The following SLC1A3 variants were observed in gnomAD, a reference collection of about 807,000 sequenced individuals.
SLC1A3 encodes the protein solute carrier family 1 member 3.
Under a neutral mutation model 48.1 loss-of-function variants are expected in SLC1A3, and 21 were observed. The ratio of observed to expected loss-of-function variants is 0.44; its 90% confidence interval spans 0.31 to 0.63. The LOEUF (loss-of-function observed/expected upper bound fraction) is 0.63, where lower values mean the gene tolerates loss of function less well. SLC1A3 is among the 20% of genes least tolerant of loss of function. The probability of loss-of-function intolerance (pLI) is 0.08; values close to 1 mark genes in which losing one functional copy is unlikely to be tolerated. For synonymous variants in SLC1A3, 239 were observed against 251.4 expected, an observed-to-expected ratio of 0.95 and a Z score of 0.47; for missense variants, 546 against 689.0, an observed-to-expected ratio of 0.79 and a Z score of 2.32.
intron 2 of SLC1A3, among the ~76,000 whole-genome samples, chr5:36,627,665 G>A (rs1739964865): frequency 6.6e-6 from 1 of 152,198 alleles, no homozygotes; most frequent in Non-Finnish European, 1.5e-5. Context: ...TGATGTTTAT[G>A]GGGACCGTAT....
intron 1 of SLC1A3, among the ~76,000 whole-genome samples, chr5:36,599,442 C>G (rs1039710038): frequency 4.0e-5 from 6 of 151,424 alleles, no homozygotes; most frequent in African/African-American, 1.2e-4. Flanking sequence ...TCATTGCCAC[C>G]TACGTCCCTA....
chr5:36,609,875 T>C (rs1739123020), intron 2 of SLC1A3, among the ~76,000 whole-genome samples: 1 of 152,286 alleles, frequency 6.6e-6, no homozygotes, highest in South Asian at 2.1e-4. Flanking sequence ...CAAAATACAG[T>C]CTGCTTGCCT....
chr5:36,646,061 C>G (rs1035971433), intron 3 of SLC1A3, among the ~76,000 whole-genome samples: 2 of 152,206 alleles, frequency 1.3e-5, no homozygotes, highest in Non-Finnish European at 2.9e-5. Context: ...AGAAAACCCC[C>G]AGGAGACTCT....
intron 3 of SLC1A3, among the ~76,000 whole-genome samples, chr5:36,663,531 G>A (rs1741607621): frequency 3.3e-5 from 5 of 151,660 alleles, no homozygotes; most frequent in South Asian, 2.1e-4. Flanking sequence ...GTGAGCCACC[G>A]CGCCCGGCCC....
chr5:36,604,916 G>T (rs1313970953), upstream of SLC1A3, among the ~76,000 whole-genome samples: 41 of 140,788 alleles, frequency 2.9e-4, 3 homozygotes, highest in South Asian at 8.3e-3. Flanking sequence ...TGGGGGGGGG[G>T]GGTGTGCAAA....
In SLC1A3 at chr5:36,686,438, C is replaced by A; in HGVS notation, c.*169C>A. On this transcript the variant is annotated 3_prime_UTR_variant, in exon 10 of 10. Coordinates refer to ENST00000265113, the MANE Select transcript of SLC1A3 (RefSeq NM_004172.5). ...AAACACAAGGGAGGATTTTGGGTGG[C>A]CAAAGTGTACAATTTTCATCCCACA... The A allele has an allele frequency of 3.1e-6, 2 of 635,628 alleles. No individual in the cohort carries two copies. Among genetic ancestry groups the A allele is most frequent in the Admixed American group, 5.3e-5 (2 of 37,768 alleles). 39.4% of individuals were successfully genotyped at this position (635,628 alleles called of 1,614,324 possible). A position where few individuals can be genotyped will look rare whatever the true frequency, so the allele number is the denominator to read the frequency against.
chr5:36,676,693 T>C (rs566428688), intron 5 of SLC1A3, among the ~76,000 whole-genome samples, 199 bp from the exon 6 acceptor site: 1 of 152,248 alleles, frequency 6.6e-6, no homozygotes, highest in African/African-American at 2.4e-5. Context: ...TATTTCAGTA[T>C]GTGTTTCTGT....
At chr5:36,650,149 A>C (rs1741002983) in intron 3 of SLC1A3, among the ~76,000 whole-genome samples, 1 of 152,104 alleles carries the variant, frequency 6.6e-6, no homozygotes, top group Non-Finnish European at 1.5e-5. Flanking sequence ...TTAAATGTTG[A>C]GTGAACTTGT....
At chr5:36,632,304 G>A (rs968669962) in intron 3 of SLC1A3, among the ~76,000 whole-genome samples, 4 of 152,184 alleles carry the variant, frequency 2.6e-5, no homozygotes, top group African/African-American at 9.6e-5. Context: ...AGCAAACGCA[G>A]TACACCCATT....
chr5:36,621,953 T>C (rs1042742722), intron 2 of SLC1A3, among the ~76,000 whole-genome samples: 6 of 152,214 alleles, frequency 3.9e-5, no homozygotes, highest in African/African-American at 1.4e-4. Context: ...TGAGACAAAT[T>C]AGTGCTAGTT....
chr5:36,627,051 AAT>A (rs1437125249), intron 2 of SLC1A3, among the ~76,000 whole-genome samples: 1 of 152,172 alleles, frequency 6.6e-6, no homozygotes, highest in African/African-American at 2.4e-5. Flanking sequence ...GTACATGTTT[AAT>A]ATAATGTAAG....
At chr5:36,613,455 G>A (rs922220426) in intron 2 of SLC1A3, 1 of 152,342 alleles carries the variant, frequency 6.6e-6, no homozygotes, top group Non-Finnish European at 1.5e-5. Flanking sequence ...AATCAATGTG[G>A]TTTGCTATCA....
chr5:36,629,351 C>A, intron 2 of SLC1A3, 99 bp from the exon 3 acceptor site: 1 of 1,052,738 alleles, frequency 9.5e-7, no homozygotes, highest in Non-Finnish European at 1.4e-6. Context: ...TAAATAAATA[C>A]AACCACCAGC....
At chr5:36,643,297 C>T (rs1031099343) in intron 3 of SLC1A3, among the ~76,000 whole-genome samples, 4 of 152,208 alleles carry the variant, frequency 2.6e-5, no homozygotes, top group Admixed American at 2.6e-4. Context: ...GTTCTAATTT[C>T]TCCACTTTCT....
chr5:36,602,109 G>A (rs11743024), upstream of SLC1A3, among the ~76,000 whole-genome samples: 37,315 of 152,016 alleles, frequency 0.25, 5,727 homozygotes, highest in Non-Finnish European at 0.35. Flanking sequence ...TGGGGAGTGG[G>A]AGGAGATTAG....
Position 36,631,761 on chromosome 5 carries a change from G to A in SLC1A3, c.319+2174G>A, listed in dbSNP as rs568374299. 2.5e-4 allele frequency among the ~76,000 whole-genome samples: 38 copies of A among 152,328 alleles called. No homozygotes were observed. In the East Asian group the frequency reaches 6.7e-3, roughly 27 times the overall value. On this transcript the variant is annotated intron_variant, in intron 3 of 9. Transcript: ENST00000265113. ...GTAATTTAGATATTTATGATCAAAT[G>A]GAATGAATGATGGATTCAGTAAGAA...
rs3822470 is a variant in SLC1A3, at chr5:36,680,915, C to G, written c.1289+326C>G. 4.3e-3 allele frequency among the ~76,000 whole-genome samples: 368 copies of G among 84,852 alleles called. 3 individuals are homozygous for G. The highest frequency in any genetic ancestry group is 0.019 in the South Asian group (45 of 2,398). The allele number at this position is 84,852 out of a possible 152,430, so 55.7% of individuals were successfully genotyped here. On this transcript the variant is annotated intron_variant, in intron 8 of 9. Coordinates refer to ENST00000265113, the MANE Select transcript of SLC1A3 (RefSeq NM_004172.5). ...TGGGGGACACAGCAAGACTCCATCT[C>G]AAAAAAAAAAAAAAAAGAATGCCTT...
intron 3 of SLC1A3, among the ~76,000 whole-genome samples, chr5:36,653,716 G>C (rs1741177041): frequency 6.6e-6 from 1 of 152,198 alleles, no homozygotes; most frequent in African/African-American, 2.4e-5. Context: ...CCCTGGACTT[G>C]TGAGCTTTGA....
At chr5:36,670,881 T>C (rs1741962450) in intron 3 of SLC1A3, 148 bp from the exon 4 acceptor site, 1 of 725,104 alleles carries the variant, frequency 1.4e-6, no homozygotes, top group South Asian at 1.5e-5. Context: ...CTTGTGAGAT[T>C]TGGGGCCAGG....
Sources: allele counts gnomAD v4.1 joint callset (sites outside exome capture counted in the v4.1 genomes callset), GRCh38; gene constraint gnomAD v4.1.1; transcripts MANE v1.5; gene names NCBI Gene and HGNC (gene_info 2026-07-23, HGNC 2026-07-21).